Variants in TSHZ2 observed in about 807,000 individuals in gnomAD.
TSHZ2 encodes teashirt homolog 2.
TSHZ2 carries 21 observed loss-of-function variants against 74.4 expected under a neutral mutation model. The ratio of observed to expected loss-of-function variants is 0.28; its 90% confidence interval spans 0.20 to 0.41. The LOEUF (loss-of-function observed/expected upper bound fraction) is 0.41, where lower values mean the gene tolerates loss of function less well. Ranked by LOEUF, TSHZ2 falls within the 10% of genes least tolerant of loss-of-function variation. The pLI is 1.00. For missense variants in TSHZ2, 1,244 were observed against 1,293.5 expected (o/e 0.96, Z 0.59); for synonymous variants, 540 against 515.3 (o/e 1.05, Z -0.65).
rs547445604 is a variant in TSHZ2 at position 52,977,854 on chromosome 20, A to G, written c.40+4521A>G. 3.3e-5 allele frequency among the ~76,000 whole-genome samples: 5 copies of G among 152,324 alleles called. No homozygotes were observed. In the South Asian group the frequency reaches 1.0e-3, roughly 32 times the overall value. On this transcript the variant is annotated intron_variant, in intron 1 of 2. Coordinates refer to ENST00000371497, the MANE Select transcript of TSHZ2 (RefSeq NM_173485.6). ...AGGGGCTCCGGGAAACTTCTTGACAATGAAAATCTTCTCTGAGGCTTAAGA... is the reference window on the plus strand; with the variant it reads ...AGGGGCTCCGGGAAACTTCTTGACAGTGAAAATCTTCTCTGAGGCTTAAGA...
At chr20:53,177,609 G>T (rs1293390) in intron 1 of TSHZ2, among the ~76,000 whole-genome samples, 1 of 151,916 alleles carries the variant, frequency 6.6e-6, no homozygotes, top group Non-Finnish European at 1.5e-5. Flanking sequence ...GGGGCCCCTC[G>T]CATTTAAAAA....
intron 2 of TSHZ2, among the ~76,000 whole-genome samples, chr20:53,469,147 T>TTCAAGTC (rs1985674685): frequency 6.7e-6 from 1 of 148,248 alleles, no homozygotes; most frequent in South Asian, 2.2e-4. Flanking sequence ...GATAGGTCAC[T>TTCAAGTC]TCAAGTCTCT....
intron 2 of TSHZ2, among the ~76,000 whole-genome samples, chr20:53,463,108 T>G (rs1376757625): frequency 6.6e-6 from 1 of 152,224 alleles, no homozygotes; most frequent in Non-Finnish European, 1.5e-5. Flanking sequence ...AAAGGTCTTG[T>G]ACAACTAGAC....
rs528250047 is a variant in TSHZ2, at chr20:53,451,281, T to A, written c.*9-35863T>A. Among the ~76,000 whole-genome samples the A allele has an allele frequency of 6.0e-4, 91 of 152,340 alleles. 1 individual carries two copies. Among genetic ancestry groups the A allele is most frequent in the African/African-American group, 2.0e-3 (84 of 41,578 alleles). Reference sequence around the variant, plus strand: ...GTTGACTGATTAAAACACCTACTCATGCAACAGAGAATAAAGCACTCATAT... The same window carrying A: ...GTTGACTGATTAAAACACCTACTCAAGCAACAGAGAATAAAGCACTCATAT... On this transcript the variant is annotated intron_variant, in intron 2 of 2. Coordinates refer to ENST00000371497, the MANE Select transcript of TSHZ2 (RefSeq NM_173485.6).
chr20:53,077,896 C>G (rs890833283), intron 1 of TSHZ2, among the ~76,000 whole-genome samples: 3 of 152,204 alleles, frequency 2.0e-5, no homozygotes, highest in African/African-American at 7.2e-5. Flanking sequence ...AATTTCTTAA[C>G]TTTGTGAACA....
At chr20:53,166,874 C>T (rs1368876148) in intron 1 of TSHZ2, among the ~76,000 whole-genome samples, 1 of 152,110 alleles carries the variant, frequency 6.6e-6, no homozygotes, top group Non-Finnish European at 1.5e-5. Context: ...TAAACAGGTA[C>T]ATAAATATCT....
At chr20:53,187,153 G>C (rs1988619306) in intron 1 of TSHZ2, among the ~76,000 whole-genome samples, 1 of 151,766 alleles carries the variant, frequency 6.6e-6, no homozygotes, top group African/African-American at 2.4e-5. Context: ...CCGCACGTCT[G>C]GGGGCTACAC....
rs1313770760 is a variant in TSHZ2, at chr20:53,253,970, A to G, written c.512A>G (p.Asp171Gly). ...AAGAGTGATTTTGATTGGCACCAAG[A>G]CGCTCTGTCCAAAAGCCTGCAGCAG... Reference protein sequence around the residue: ...SNKSDFDWHQDALSKSLQQNL... With the variant: ...SNKSDFDWHQGALSKSLQQNL... Residue 171 changes from aspartate (D) to glycine (G), a missense_variant, in exon 2 of 3, where the codon GAC (aspartate) becomes GGC (glycine). Physicochemically the swap from Asp to Gly is moderately conservative, Grantham distance 94 (BLOSUM62 -1). Coordinates refer to ENST00000371497, the MANE Select transcript of TSHZ2 (RefSeq NM_173485.6). 3.1e-6 allele frequency: 5 copies of G among 1,614,062 alleles called. No homozygotes were observed. The highest frequency in any genetic ancestry group is 3.4e-6 in the Non-Finnish European group (4 of 1,180,002).
At chr20:53,056,549 A>G (rs949387798) in intron 1 of TSHZ2, among the ~76,000 whole-genome samples, 9 of 152,240 alleles carry the variant, frequency 5.9e-5, no homozygotes, top group Non-Finnish European at 1.2e-4. Context: ...ATCTAGTTAA[A>G]TAAATGAGTT....
chr20:53,136,856 AT>A lies in TSHZ2; in HGVS notation c.41-116634del, dbSNP rs927560202. On this transcript the variant is annotated intron_variant, in intron 1 of 2. Coordinates refer to ENST00000371497, the MANE Select transcript of TSHZ2 (RefSeq NM_173485.6). ...GATGTTTGGATTTTTTTTCCCCTTC[AT>A]TTTTTTTTCTACCTGATTAAAATGA... is the stretch of plus-strand genomic sequence containing the variant. Among the ~76,000 whole-genome samples the A allele has an allele frequency of 6.6e-5, 10 of 150,752 alleles. No homozygotes were observed. In the East Asian group the frequency reaches 9.7e-4, roughly 15 times the overall value.
At chr20:53,050,152 T>C (rs11086410) in intron 1 of TSHZ2, among the ~76,000 whole-genome samples, 9,431 of 82,232 alleles carry the variant, frequency 0.11, 744 homozygotes, top group African/African-American at 0.18. Context: ...TATATATATA[T>C]ACACATATAT....
intron 1 of TSHZ2, among the ~76,000 whole-genome samples, chr20:52,993,475 A>G (rs1379894458): frequency 1.3e-5 from 2 of 152,220 alleles, no homozygotes; most frequent in African/African-American, 2.4e-5. Context: ...TTTTCATTTT[A>G]GATCACAGTC....
At chr20:53,250,736 T>C (rs1030210292) in intron 1 of TSHZ2, among the ~76,000 whole-genome samples, 2 of 152,082 alleles carry the variant, frequency 1.3e-5, no homozygotes, top group African/African-American at 4.8e-5. Context: ...GGGAGGCGTT[T>C]GCTGTCTCTG....
At chr20:53,418,878 A>C (rs1288785910) in intron 2 of TSHZ2, among the ~76,000 whole-genome samples, 4 of 152,130 alleles carry the variant, frequency 2.6e-5, no homozygotes, top group Admixed American at 6.5e-5. Context: ...AGGTGTGATC[A>C]TAGCTAGGAT....
rs966577602 is a variant in TSHZ2, at chr20:53,388,589, C to T, written c.*9-98555C>T. Among the ~76,000 whole-genome samples, 5 of 149,878 alleles carry T rather than the reference C, an allele frequency of 3.3e-5. No individual in the cohort carries two copies. In the East Asian group the frequency reaches 9.8e-4, roughly 29 times the overall value. On this transcript the variant is annotated intron_variant, in intron 2 of 2. Transcript: ENST00000371497. Reference sequence around the variant, plus strand: ...TTCTTCTTCTACTTTTCTTTTTTTTCTTTCTTTTTTTTTTTTTTTCTTGAG... The same window carrying T: ...TTCTTCTTCTACTTTTCTTTTTTTTTTTTCTTTTTTTTTTTTTTTCTTGAG...
chr20:53,012,821 C>T (rs1003367542), intron 1 of TSHZ2, among the ~76,000 whole-genome samples: 8 of 152,160 alleles, frequency 5.3e-5, no homozygotes, highest in African/African-American at 1.9e-4. Flanking sequence ...CTCTCTGTCC[C>T]TCGCACCTGC....
At chr20:53,458,737 C>A (rs897035365) in intron 2 of TSHZ2, among the ~76,000 whole-genome samples, 76 of 152,030 alleles carry the variant, frequency 5.0e-4, no homozygotes, top group African/African-American at 8.4e-4. Context: ...GCTTTGAATG[C>A]GTCCCAGAGA....
intron 2 of TSHZ2, among the ~76,000 whole-genome samples, chr20:53,367,714 G>A (rs1212237592): frequency 2.6e-5 from 4 of 151,988 alleles, no homozygotes; most frequent in African/African-American, 9.7e-5. Context: ...GGGACTACAG[G>A]CGCCTGCCAC....
intron 1 of TSHZ2, among the ~76,000 whole-genome samples, chr20:53,164,425 TA>T (rs35106499): frequency 0.42 from 61,273 of 146,770 alleles, 13,607 homozygotes; most frequent in African/African-American, 0.61. Flanking sequence ...TCACCTTTCT[TA>T]AAAAAAAAAA....
Sources: allele counts gnomAD v4.1 joint callset (sites outside exome capture counted in the v4.1 genomes callset), GRCh38; gene constraint gnomAD v4.1.1; transcripts MANE v1.5; gene names NCBI Gene and HGNC (gene_info 2026-07-23, HGNC 2026-07-21).